Variants in KIF13B observed in about 807,000 individuals in gnomAD.
KIF13B encodes the protein kinesin family member 13B.
KIF13B carries 127 observed loss-of-function variants against 222.0 expected under a neutral mutation model. That is an observed-to-expected ratio of 0.57 (90% CI 0.50 to 0.66). The LOEUF (loss-of-function observed/expected upper bound fraction) is 0.66, where lower values mean the gene tolerates loss of function less well. Ranked by LOEUF, KIF13B falls within the 30% of genes least tolerant of loss-of-function variation. KIF13B has a pLI of 0.00. For synonymous variants in KIF13B, 976 were observed against 919.0 expected (o/e 1.06, Z -1.12); for missense variants, 2,173 against 2,379.0 (o/e 0.91, Z 1.80).
intron 38 of KIF13B, among the ~76,000 whole-genome samples, chr8:29,073,688 G>T (rs773091779): frequency 6.6e-6 from 1 of 152,204 alleles, no homozygotes; most frequent in African/African-American, 2.4e-5. Context: ...AAGCGGCTGA[G>T]ATCTATACGT....
intron 22 of KIF13B, among the ~76,000 whole-genome samples, chr8:29,133,144 G>A (rs1810418410): frequency 6.6e-6 from 1 of 152,176 alleles, no homozygotes; most frequent in Non-Finnish European, 1.5e-5. Context: ...GATCAAGTGT[G>A]GTACAGGAGC....
chr8:29,117,851 A>G (rs1330237640), intron 30 of KIF13B, among the ~76,000 whole-genome samples: 1 of 152,170 alleles, frequency 6.6e-6, no homozygotes, highest in Non-Finnish European at 1.5e-5. Flanking sequence ...GCTTTCACCT[A>G]TTCTTTTCCT....
chr8:29,240,108 G>C (rs1255178346), intron 2 of KIF13B, among the ~76,000 whole-genome samples: 2 of 150,560 alleles, frequency 1.3e-5, no homozygotes, highest in Non-Finnish European at 3.0e-5. Flanking sequence ...CAAGCTAAGT[G>C]GGTGATATTA....
intron 14 of KIF13B, among the ~76,000 whole-genome samples, chr8:29,154,422 C>T (rs952365578): frequency 4.0e-5 from 6 of 151,450 alleles, no homozygotes; most frequent in Admixed American, 2.0e-4. Flanking sequence ...GGCAGGGAGC[C>T]GGTGTGAGAA....
chr8:29,236,910 T>G (rs1338910802), intron 2 of KIF13B, among the ~76,000 whole-genome samples: 2 of 145,770 alleles, frequency 1.4e-5, no homozygotes, highest in Non-Finnish European at 3.0e-5. Flanking sequence ...TGCTTTCCAG[T>G]TTTTTGTTTT....
intron 2 of KIF13B, among the ~76,000 whole-genome samples, chr8:29,221,817 C>A (rs1278757028): frequency 6.6e-6 from 1 of 152,162 alleles, no homozygotes; most frequent in Non-Finnish European, 1.5e-5. Context: ...TTCCTTTCAA[C>A]ATATCCATTG....
intron 2 of KIF13B, among the ~76,000 whole-genome samples, chr8:29,204,053 C>T (rs371641152): frequency 2.5e-4 from 38 of 152,232 alleles, no homozygotes; most frequent in East Asian, 1.5e-3. Flanking sequence ...CCACTCAGGA[C>T]AGTTGGTAGA....
chr8:29,221,780 G>T (rs774929202), intron 2 of KIF13B, among the ~76,000 whole-genome samples: 1 of 152,042 alleles, frequency 6.6e-6, no homozygotes, highest in African/African-American at 2.4e-5. Flanking sequence ...AAAGGATAAT[G>T]CCCAAAATAT....
chr8:29,223,354 T>G (rs1475826252), intron 2 of KIF13B, among the ~76,000 whole-genome samples: 1 of 101,744 alleles, frequency 9.8e-6, no homozygotes, highest in Non-Finnish European at 2.4e-5. Flanking sequence ...AACAAAAAAA[T>G]CTAAATCAAA....
chr8:29,083,508 G>C (rs1807905638), intron 37 of KIF13B, among the ~76,000 whole-genome samples: 1 of 151,770 alleles, frequency 6.6e-6, no homozygotes, highest in South Asian at 2.1e-4. Context: ...CTTGCTGAAG[G>C]GAATTTTAGT....
chr8:29,142,245 T>C lies in KIF13B; in HGVS notation c.2246A>G (p.Gln749Arg), dbSNP rs1444725991. 1 of 1,613,736 alleles carries C rather than the reference T, an allele frequency of 6.2e-7. No homozygotes were observed. The highest frequency in any genetic ancestry group is 8.5e-7 in the Non-Finnish European group (1 of 1,179,752). Reference protein sequence around the residue: ...IQVRRKGKGKQIWSLEKLDNR... With the variant: ...IQVRRKGKGKRIWSLEKLDNR... The stretch of plus-strand genomic sequence containing the variant: ...GTCCAGTTTTTCCAAAGACCAAATC[T>C]GCTTTCCTTTTCCTTTTCTTCTCAC... Residue 749 changes from glutamine (Q) to arginine (R), a missense_variant, in exon 19 of 40, where the codon CAG becomes CGG. This residue lies in a region of KIF13B where 1,480 missense variants were observed against 1,722.8 expected (regional missense o/e 0.86). Coordinates refer to ENST00000524189, the MANE Select transcript of KIF13B (RefSeq NM_015254.4).
At chr8:29,122,675 C>A (rs1384854410) in intron 28 of KIF13B, 29 bp from the exon 29 acceptor site, 6 of 1,581,834 alleles carry the variant, frequency 3.8e-6, no homozygotes, top group Non-Finnish European at 5.2e-6. Flanking sequence ...ATGGCATCTG[C>A]CTCAGGTTAC....
chr8:29,119,870 A>G (rs1417069975), intron 29 of KIF13B, among the ~76,000 whole-genome samples: 2 of 152,200 alleles, frequency 1.3e-5, no homozygotes. Flanking sequence ...TAAATAAGCT[A>G]AGTGGCAGGA....
intron 10 of KIF13B, among the ~76,000 whole-genome samples, chr8:29,171,497 T>C (rs1812235658): frequency 6.6e-6 from 1 of 152,304 alleles, no homozygotes; most frequent in Middle Eastern, 3.4e-3. Context: ...ATGGAAATTA[T>C]GTTGAAGAAT....
rs117170715 is a variant in KIF13B at position 29,235,069 on chromosome 8, G to A, written c.149+10277C>T. The stretch of plus-strand genomic sequence containing the variant: ...ATAAACAGAATTGTTTAATCTTCAG[G>A]AAATTCTTCCCAATGGAAATTTATT... On this transcript the variant is annotated intron_variant, in intron 2 of 39. Coordinates refer to ENST00000524189, the MANE Select transcript of KIF13B (RefSeq NM_015254.4). Among the ~76,000 whole-genome samples, 467 of 152,182 alleles carry A rather than the reference G, an allele frequency of 3.1e-3. 1 individual carries two copies. The highest frequency in any genetic ancestry group is 0.014 in the Middle Eastern group (4 of 292).
chr8:29,203,892 C>CAA (rs11432771), intron 2 of KIF13B, among the ~76,000 whole-genome samples: 4,561 of 65,108 alleles, frequency 0.07, 385 homozygotes, highest in Middle Eastern at 0.14. Flanking sequence ...AGTTCCGTCT[C>CAA]AAAAAAAAAA....
rs1326637296 is a variant in KIF13B at position 29,146,476 on chromosome 8, C to G, written c.2089G>C (p.Val697Leu). 4 of 1,613,736 alleles carry G rather than the reference C, an allele frequency of 2.5e-6. No homozygotes were observed. The Admixed American group carries it at 6.7e-5, about 27-fold the overall frequency. ...TCAGCAATGTAATTAGCTTCTCTCA[C>G]CAATAGATTGGCCTTAACAATTTGT... ...REQIVKANLL[V>L]REANYIAEEL... The change falls in exon 18 of 40, where the codon GTG becomes CTG. Residue 697 changes from valine (V) to leucine (L), a missense_variant. Val to Leu is a conservative substitution (Grantham distance 32). This residue lies in a region of KIF13B where 1,480 missense variants were observed against 1,722.8 expected (regional missense o/e 0.86). Transcript: ENST00000524189.
At chr8:29,170,889 C>T (rs147369852) in intron 10 of KIF13B, among the ~76,000 whole-genome samples, 1 of 152,208 alleles carries the variant, frequency 6.6e-6, no homozygotes, top group East Asian at 1.9e-4. Flanking sequence ...ACCAGCCTGG[C>T]CAACATAGTG....
rs561209803 is a variant in KIF13B, at chr8:29,223,486, G to A, written c.149+21860C>T. On this transcript the variant is annotated intron_variant, in intron 2 of 39. Transcript: ENST00000524189. ...AAGATTACTAAAAGTAACCAAGGGCGAATTTGAATTATGTATATCTAACAA... is the reference window on the plus strand; with the variant it reads ...AAGATTACTAAAAGTAACCAAGGGCAAATTTGAATTATGTATATCTAACAA... Among the ~76,000 whole-genome samples the A allele has an allele frequency of 3.3e-5, 5 of 152,168 alleles. No individual in the cohort carries two copies. In the East Asian group the frequency reaches 7.7e-4, roughly 23 times the overall value.
Sources: allele counts gnomAD v4.1 joint callset (sites outside exome capture counted in the v4.1 genomes callset), GRCh38; gene constraint gnomAD v4.1.1; regional missense constraint gnomAD v4.1.1; transcripts MANE v1.5; gene names NCBI Gene and HGNC (gene_info 2026-07-23, HGNC 2026-07-21).